Variants in FANCB observed in about 807,000 individuals in gnomAD.
FANCB encodes the protein FA complementation group B.
Under a neutral mutation model 38.9 loss-of-function variants are expected in FANCB, and 5 were observed. The observed-to-expected ratio is 0.13, with a 90% confidence interval of 0.07 to 0.27. FANCB has a LOEUF of 0.27. FANCB is among the 10% of genes least tolerant of loss of function. The pLI is 1.00. For synonymous variants in FANCB, 236 were observed against 215.4 expected (o/e 1.10, Z -0.84); for missense variants, 573 against 602.7 (o/e 0.95, Z 0.52).
chrX:14,776,497 T>C, the FANCB span, among the ~76,000 whole-genome samples: 2 of 111,874 alleles, frequency 1.8e-5, no homozygotes, highest in Admixed American at 9.4e-5. Context: ...GGTTGTGCTA[T>C]ATCAGCAATT....
the FANCB span, chrX:14,730,951 A>AC: frequency 3.1e-5 from 3 of 97,756 alleles, no homozygotes; most frequent in African/African-American, 1.3e-4. Flanking sequence ...CACACACACA[A>AC]ACTTCAAAAA....
rs748392793 is a variant in FANCB, at chrX:14,843,708, T to C, written c.2439A>G (p.Arg813=). 9.1e-6 allele frequency: 11 copies of C among 1,211,249 alleles called. No individual in the cohort carries two copies. In the South Asian group the frequency reaches 1.9e-4, roughly 21 times the overall value. Residue 813 remains arginine, a synonymous_variant, in exon 10 of 10, where the codon AGA becomes AGG. Coordinates refer to ENST00000650831, the MANE Select transcript of FANCB (RefSeq NM_001018113.3). ...SDRRENIHPY[R]KELQREKKKM... Reference sequence around the variant, plus strand: ...TCTTCTTTTCTCTCTGAAGTTCTTTTCTGTAGGGATGGATATTTTCCCTTC... The same window carrying C: ...TCTTCTTTTCTCTCTGAAGTTCTTTCCTGTAGGGATGGATATTTTCCCTTC...
chrX:14,690,288 A>AT, the FANCB span, among the ~76,000 whole-genome samples: 1 of 112,280 alleles, frequency 8.9e-6, no homozygotes, highest in Admixed American at 9.4e-5. Context: ...GAGAATAATT[A>AT]TTTTTAATTG....
chrX:14,710,085 A>G, the FANCB span, among the ~76,000 whole-genome samples: 3 of 111,698 alleles, frequency 2.7e-5, no homozygotes. Context: ...CACTTCTCCA[A>G]GTCACACCTG....
downstream of FANCB, among the ~76,000 whole-genome samples, chrX:14,843,131 C>T (rs2092360042): frequency 9.0e-6 from 1 of 111,727 alleles, no homozygotes; most frequent in African/African-American, 3.3e-5. Flanking sequence ...TACTATTATG[C>T]CATTTCGGTC....
the FANCB span, among the ~76,000 whole-genome samples, chrX:14,694,722 G>A: frequency 8.9e-6 from 1 of 112,666 alleles, no homozygotes; most frequent in African/African-American, 3.2e-5. Context: ...GCCAGGCACT[G>A]TGTAAATCCT....
At chrX:14,786,625 T>A in the FANCB span, among the ~76,000 whole-genome samples, 3 of 111,564 alleles carry the variant, frequency 2.7e-5, no homozygotes, top group Admixed American at 2.9e-4. Context: ...TGAGGAAAAG[T>A]GCACTTAAAA....
chrX:14,792,401 T>C, the FANCB span, among the ~76,000 whole-genome samples: 1 of 110,953 alleles, frequency 9.0e-6, no homozygotes, highest in Non-Finnish European at 1.9e-5. Context: ...GGCTGAGCTG[T>C]CCCTCCTCGA....
chrX:14,756,845 C>T, the FANCB span, among the ~76,000 whole-genome samples: 1 of 111,779 alleles, frequency 8.9e-6, no homozygotes, highest in Admixed American at 9.5e-5. Context: ...GCTGTAATGA[C>T]GGTCTCAAGT....
At chrX:14,734,378 A>G in the FANCB span, among the ~76,000 whole-genome samples, 2 of 112,168 alleles carry the variant, frequency 1.8e-5, no homozygotes, top group East Asian at 5.6e-4. Context: ...TCCTTTCCCT[A>G]TTTAGTGCTT....
chrX:14,816,134 A>G, the FANCB span, among the ~76,000 whole-genome samples: 29 of 112,100 alleles, frequency 2.6e-4, no homozygotes, highest in Non-Finnish European at 4.7e-4. Context: ...CCATGTATCA[A>G]AACTGCATTT....
At chrX:14,720,793 A>G in the FANCB span, among the ~76,000 whole-genome samples, 1 of 111,970 alleles carries the variant, frequency 8.9e-6, no homozygotes, top group African/African-American at 3.2e-5. Context: ...TTCATTTTAT[A>G]CTATCTTTGT....
intron 5 of FANCB, among the ~76,000 whole-genome samples, chrX:14,853,687 C>G (rs2092411518): frequency 8.9e-6 from 1 of 111,915 alleles, no homozygotes; most frequent in Non-Finnish European, 1.9e-5. Context: ...TAACAGCCCC[C>G]AAACTATGTT....
At chrX:14,694,280 A>C in the FANCB span, among the ~76,000 whole-genome samples, 18 of 111,335 alleles carry the variant, frequency 1.6e-4, no homozygotes, top group Non-Finnish European at 3.0e-4. Flanking sequence ...TTTCTGCACA[A>C]TCTCACTCCC....
chrX:14,858,402 A>G (rs1284321741), intron 4 of FANCB, among the ~76,000 whole-genome samples: 1 of 110,768 alleles, frequency 9.0e-6, no homozygotes, highest in Non-Finnish European at 1.9e-5. Flanking sequence ...GTCTCCAAAA[A>G]AAAAAAAATA....
At chrX:14,696,862 T>A in the FANCB span, among the ~76,000 whole-genome samples, 8 of 112,292 alleles carry the variant, frequency 7.1e-5, no homozygotes, top group Non-Finnish European at 1.3e-4. Flanking sequence ...GACATGGAGA[T>A]GTTCTTAAGT....
the FANCB span, among the ~76,000 whole-genome samples, chrX:14,764,118 G>C: frequency 9.0e-6 from 1 of 111,648 alleles, no homozygotes; most frequent in Non-Finnish European, 1.9e-5. Context: ...CATAAATCCA[G>C]GCAGAGATTA....
At chrX:14,782,376 G>A in the FANCB span, among the ~76,000 whole-genome samples, 1 of 111,666 alleles carries the variant, frequency 9.0e-6, no homozygotes, top group Admixed American at 9.5e-5. Context: ...AACTCATCAA[G>A]TCCTTAGGTA....
At chrX:14,821,318 G>C in the FANCB span, among the ~76,000 whole-genome samples, 1 of 111,791 alleles carries the variant, frequency 8.9e-6, no homozygotes, top group African/African-American at 3.3e-5. Context: ...CAGTTCAGTA[G>C]TGGATTATGT....
Sources: gnomAD v4.1 joint callset for allele counts (sites outside exome capture counted in the v4.1 genomes callset) on GRCh38, gnomAD v4.1.1 for gene constraint, MANE v1.5 for transcripts, NCBI Gene and HGNC (gene_info 2026-07-23, HGNC 2026-07-21) for gene names.